SLC7A14: variants seen among roughly 807,000 people sequenced by gnomAD.
SLC7A14 encodes gamma-aminobutyric acid transporter SLC7A14.
A neutral mutation model predicts 60.2 loss-of-function variants in SLC7A14; 37 were observed. The ratio of observed to expected loss-of-function variants is 0.61; its 90% CI spans 0.47 to 0.81. SLC7A14 has a LOEUF of 0.81. Among genes scored for constraint, SLC7A14 ranks in the 30% least tolerant of loss-of-function variants. SLC7A14 has a pLI of 0.00. For synonymous variants in SLC7A14, 399 were observed against 395.8 expected (o/e 1.01, Z -0.10); for missense variants, 886 against 982.7 (o/e 0.90, Z 1.32).
chr3:170,483,613 G>C (rs1711919038), intron 5 of SLC7A14, 91 bp from the exon 6 acceptor site: 3 of 1,386,924 alleles, frequency 2.2e-6, no homozygotes, highest in African/African-American at 1.4e-5. Context: ...CCTGCCCCTG[G>C]AGGCAGAGGC....
intron 5 of SLC7A14, 60 bp from the exon 6 acceptor site, chr3:170,483,582 C>G: frequency 6.3e-7 from 1 of 1,580,990 alleles, no homozygotes; most frequent in Non-Finnish European, 8.7e-7. Flanking sequence ...TGGATAGAGG[C>G]CCCACGGGAG....
intron 6 of SLC7A14, among the ~76,000 whole-genome samples, chr3:170,481,802 A>G (rs1711833187): frequency 2.6e-5 from 4 of 152,300 alleles, no homozygotes; most frequent in Admixed American, 1.3e-4. Context: ...AGAAACCTAG[A>G]TTGAAGCCCA....
At chr3:170,571,980 G>A (rs1295122727) in intron 1 of SLC7A14, among the ~76,000 whole-genome samples, 1 of 148,728 alleles carries the variant, frequency 6.7e-6, no homozygotes, top group Non-Finnish European at 1.5e-5. Flanking sequence ...AGAATCACTT[G>A]AGCCCAGGAA....
intron 2 of SLC7A14, among the ~76,000 whole-genome samples, chr3:170,517,952 T>G (rs554587437): frequency 1.3e-5 from 2 of 152,254 alleles, no homozygotes; most frequent in Non-Finnish European, 2.9e-5. Flanking sequence ...CACAATTTAT[T>G]AATTCACAAC....
At chr3:170,534,144 T>C (rs4955731) in intron 1 of SLC7A14, among the ~76,000 whole-genome samples, 48,007 of 152,084 alleles carry the variant, frequency 0.32, 7,765 homozygotes, top group East Asian at 0.46. Flanking sequence ...AATATTACAA[T>C]GGTGATGTTT....
chr3:170,496,670 G>T (rs2008829), intron 4 of SLC7A14: 348,020 of 1,164,656 alleles, frequency 0.3, 56,598 homozygotes, highest in African/African-American at 0.63. Context: ...AGTATCCATA[G>T]GAAGACCACC....
Position 170,467,146 on chromosome 3 carries a change from C to T in SLC7A14, c.2225G>A (p.Arg742Gln), listed in dbSNP as rs762443090. The T allele has an allele frequency of 1.5e-5, 24 of 1,614,214 alleles. No homozygotes were observed. Among genetic ancestry groups the T allele is most frequent in the East Asian group, 1.1e-4 (5 of 44,876 alleles). ...QQMSDAKANGRTSSKAKSKSK... is the reference protein window; with the variant it reads ...QQMSDAKANGQTSSKAKSKSK... Reference sequence around the variant, plus strand: ...TTTGCTCTTCGCTTTGCTACTTGTCCGGCCGTTTGCCTTCGCATCTGACAT... The same window carrying T: ...TTTGCTCTTCGCTTTGCTACTTGTCTGGCCGTTTGCCTTCGCATCTGACAT... The change falls in exon 8 of 8, where the codon CGG (arginine) becomes CAG (glutamine). Residue 742 changes from arginine to glutamine, a missense_variant. Transcript: ENST00000231706.
At chr3:170,471,114 T>TGTGTGTGA (rs1553864213) in intron 7 of SLC7A14, among the ~76,000 whole-genome samples, 1 of 151,960 alleles carries the variant, frequency 6.6e-6, no homozygotes, top group Non-Finnish European at 1.5e-5. Context: ...TGTGTGTGTG[T>TGTGTGTGA]GTGTGTGAGT....
Position 170,459,573 on chromosome 3 carries a change from T to C in SLC7A14, c.*7482A>G, listed in dbSNP as rs1739553262. On this transcript the variant is annotated 3_prime_UTR_variant, in exon 8 of 8. Coordinates refer to ENST00000231706, the MANE Select transcript of SLC7A14 (RefSeq NM_020949.3). ...TTTCTTCAAATTTAAATTTTATTAG[T>C]CGATTAGCTGTACTTTTTAAAATGT... 1 of 152,214 alleles carries C rather than the reference T, an allele frequency of 6.6e-6. No homozygotes were observed. Among genetic ancestry groups the C allele is most frequent in the Non-Finnish European group, 1.5e-5 (1 of 68,040 alleles). The allele number at this position is 152,214 out of a possible 1,614,324, so 9.4% of individuals were successfully genotyped here.
intron 2 of SLC7A14, among the ~76,000 whole-genome samples, chr3:170,526,230 C>T (rs992618006): frequency 1.3e-5 from 2 of 151,434 alleles, no homozygotes; most frequent in East Asian, 1.9e-4. Flanking sequence ...GGTGAAACCC[C>T]GTCTCTACTA....
At chr3:170,474,556 T>G (rs1711555186) in intron 7 of SLC7A14, among the ~76,000 whole-genome samples, 1 of 152,194 alleles carries the variant, frequency 6.6e-6, no homozygotes, top group Non-Finnish European at 1.5e-5. Flanking sequence ...GAGCCCGTTT[T>G]TTTTTCCTCT....
At position 170,464,071 on chromosome 3, in the gene SLC7A14, C is replaced by T. The variant is rs969279803; in HGVS notation, c.*2984G>A. ...GTTCTGCATTTATGTACTAAATATA[C>T]GTCTAGTTTTGTCTTATCCTTTCTG... On this transcript the variant is annotated 3_prime_UTR_variant, in exon 8 of 8. Coordinates refer to ENST00000231706, the MANE Select transcript of SLC7A14 (RefSeq NM_020949.3). The T allele has an allele frequency of 2.6e-5, 4 of 152,198 alleles. No homozygotes were observed. The highest frequency in any genetic ancestry group is 4.4e-5 in the Non-Finnish European group (3 of 68,052). 9.4% of individuals were successfully genotyped at this position (152,198 alleles called of 1,614,324 possible). A position where few individuals can be genotyped will look rare whatever the true frequency, so the allele number is the denominator to read the frequency against.
At chr3:170,476,942 G>A (rs1179996016) in intron 7 of SLC7A14, 1 of 152,220 alleles carries the variant, frequency 6.6e-6, no homozygotes, top group Non-Finnish European at 1.5e-5. Context: ...TAAATATTCT[G>A]CAGAACTGGC....
intron 2 of SLC7A14, among the ~76,000 whole-genome samples, chr3:170,510,325 G>T (rs1712931567): frequency 6.7e-6 from 1 of 149,472 alleles, no homozygotes; most frequent in Non-Finnish European, 1.5e-5. Flanking sequence ...AGGAGGCGGA[G>T]GTTGCAGTGA....
At chr3:170,577,604 G>T (rs1056975227) in intron 1 of SLC7A14, among the ~76,000 whole-genome samples, 10 of 123,994 alleles carry the variant, frequency 8.1e-5, no homozygotes, top group African/African-American at 3.1e-4. Flanking sequence ...CGGCCTGGGC[G>T]ACAGAGCGAG....
rs534477922 is a variant in SLC7A14, at chr3:170,542,219, T to C, written c.-152-15131A>G. Among the ~76,000 whole-genome samples, 3 of 152,334 alleles carry C rather than the reference T, an allele frequency of 2.0e-5. No individual in the cohort carries two copies. In the East Asian group the frequency reaches 5.8e-4, roughly 29 times the overall value. On this transcript the variant is annotated intron_variant, in intron 1 of 7. Coordinates refer to ENST00000231706, the MANE Select transcript of SLC7A14 (RefSeq NM_020949.3). ...CGAGCCAACATCTTTACTGGAAAGATGGAATCTGCCCCTGAAGCAAAGACC... is the reference window on the plus strand; with the variant it reads ...CGAGCCAACATCTTTACTGGAAAGACGGAATCTGCCCCTGAAGCAAAGACC...
chr3:170,580,817 A>T (rs923038549), intron 1 of SLC7A14, among the ~76,000 whole-genome samples: 1 of 152,228 alleles, frequency 6.6e-6, no homozygotes, highest in Non-Finnish European at 1.5e-5. Context: ...CAGTGAAGAA[A>T]CATCTGATGG....
intron 1 of SLC7A14, among the ~76,000 whole-genome samples, chr3:170,534,230 C>T (rs185304575): frequency 1.8e-4 from 27 of 152,320 alleles, no homozygotes; most frequent in Non-Finnish European, 3.1e-4. Flanking sequence ...GGAGTCTACT[C>T]CACACGCCTT....
intron 7 of SLC7A14, 108 bp from the exon 8 acceptor site, chr3:170,467,485 G>C (rs13097043): frequency 8.1e-6 from 5 of 614,356 alleles, no homozygotes; most frequent in Non-Finnish European, 9.8e-6. Context: ...GGGGTGGGGG[G>C]CGGTGGGGGC....
Sources: allele counts gnomAD v4.1 joint callset (sites outside exome capture counted in the v4.1 genomes callset), GRCh38; gene constraint gnomAD v4.1.1; transcripts MANE v1.5; gene names NCBI Gene and HGNC (gene_info 2026-07-23, HGNC 2026-07-21).